The following LAMA5 variants were observed in gnomAD, a reference collection of about 807,000 sequenced individuals.
LAMA5 encodes the protein laminin subunit alpha-5.
A neutral mutation model predicts 433.4 loss-of-function variants in LAMA5; 260 were observed. The ratio of observed to expected loss-of-function variants is 0.60; its 90% CI spans 0.54 to 0.66. The LOEUF (loss-of-function observed/expected upper bound fraction) is 0.66, where lower values mean the gene tolerates loss of function less well. LAMA5 is among the 30% of genes least tolerant of loss of function. LAMA5 has a pLI of 0.00. For missense variants in LAMA5, 5,378 were observed against 5,258.5 expected (o/e 1.02, Z -0.70); for synonymous variants, 2,620 against 2,226.6 (o/e 1.18, Z -4.97).
intron 58 of LAMA5, among the ~76,000 whole-genome samples, chr20:62,315,530 A>C (rs908414991): frequency 6.6e-6 from 1 of 151,922 alleles, no homozygotes; most frequent in Non-Finnish European, 1.5e-5. Context: ...GGTCCCTCAG[A>C]AACTGGGTGA....
rs112822456 is a variant in LAMA5, at chr20:62,327,287, G to A, written c.5058C>T (p.Pro1686=). 3.6e-4 allele frequency: 572 copies of A among 1,573,876 alleles called. 1 individual carries two copies. The highest frequency in any genetic ancestry group is 1.9e-3 in the African/African-American group (144 of 74,112). The change falls in exon 38 of 80, where the codon CCC becomes CCT. Residue 1686 remains proline (P), a synonymous_variant. Coordinates refer to ENST00000252999, the MANE Select transcript of LAMA5 (RefSeq NM_005560.6). ...ADLRHVPEAV[P]EAFPELYWQA... ...GCCAGTACAGCTCGGGGAAAGCCTCGGGCACAGCCTCAGGCACGTGCCGCA... is the reference window on the plus strand; with the variant it reads ...GCCAGTACAGCTCGGGGAAAGCCTCAGGCACAGCCTCAGGCACGTGCCGCA...
At chr20:62,330,655 C>T in intron 30 of LAMA5, 41 bp from the exon 31 acceptor site, 2 of 1,568,376 alleles carry the variant, frequency 1.3e-6, no homozygotes, top group African/African-American at 1.3e-5. Flanking sequence ...AGCTATGAGC[C>T]CCTGCTGCCC....
At chr20:62,311,894 G>C (rs369535096) in intron 70 of LAMA5, 26 bp downstream of exon 70, 14 of 1,540,740 alleles carry the variant, frequency 9.1e-6, no homozygotes, top group Non-Finnish European at 1.1e-5. Context: ...AGACCTTCAC[G>C]ATGAGGGCCC....
chr20:62,325,585 A>C, intron 40 of LAMA5, 39 bp from the exon 41 acceptor site: 1 of 1,393,476 alleles, frequency 7.2e-7, no homozygotes, highest in Non-Finnish European at 1.0e-6. Context: ...GGCCACACTC[A>C]ATGGGACAGA....
rs758051592 is a variant in LAMA5 at position 62,311,667 on chromosome 20, C to T, written c.9753G>A (p.Glu3251=). The part of the protein sequence containing the change: ...PPRLLLGGLP[E]SGTIYNFSGC... The stretch of plus-strand genomic sequence containing the variant: ...CACTGAAGTTGTAAATGGTGCCAGA[C>T]TCAGGCAGGCCTCCCAGGAGGAGCC... The change falls in exon 71 of 80, where the codon GAG becomes GAA. Residue 3251 remains glutamate, a synonymous_variant. Coordinates refer to ENST00000252999, the MANE Select transcript of LAMA5 (RefSeq NM_005560.6). The T allele has an allele frequency of 6.3e-7, 1 of 1,595,430 alleles. No homozygotes were observed. Among genetic ancestry groups the T allele is most frequent in the Non-Finnish European group, 8.5e-7 (1 of 1,172,134 alleles).
In LAMA5 at chr20:62,330,862, C is replaced by G; in HGVS notation, c.3733G>C (p.Gly1245Arg). 6.5e-7 allele frequency: 1 copy of G among 1,539,594 alleles called. No individual in the cohort carries two copies. The highest frequency in any genetic ancestry group is 8.8e-7 in the Non-Finnish European group (1 of 1,142,846). Residue 1245 changes from glycine (G) to arginine (R), a missense_variant, in exon 30 of 80, where the codon GGC becomes CGC. Coordinates refer to ENST00000252999, the MANE Select transcript of LAMA5 (RefSeq NM_005560.6). ...RDCQVIPLPP[G>R]LPLTHAQDLT... Reference sequence around the variant, plus strand: ...TCCTGCGCGTGGGTCAGCGGGAGGCCGGGCGGCAGCGGGATCACCTGGCAG... The same window carrying G: ...TCCTGCGCGTGGGTCAGCGGGAGGCGGGGCGGCAGCGGGATCACCTGGCAG...
In LAMA5 at chr20:62,330,472, C is replaced by G. The variant is rs373985079; in HGVS notation, c.3979+16G>C. 1.1e-5 allele frequency: 17 copies of G among 1,531,234 alleles called. No individual in the cohort carries two copies. The highest frequency in any genetic ancestry group is 1.8e-4 in the Middle Eastern group (1 of 5,472). The allele number at this position is 1,531,234 out of a possible 1,614,324, so 94.9% of individuals were successfully genotyped here. A position where few individuals can be genotyped will look rare whatever the true frequency, so the allele number is the denominator to read the frequency against. On this transcript the variant is annotated intron_variant, in intron 31 of 79. Coordinates refer to ENST00000252999, the MANE Select transcript of LAMA5 (RefSeq NM_005560.6). The stretch of plus-strand genomic sequence containing the variant: ...CGTGTGTGGTAGCCTCTCCACCCCC[C>G]ACACCAGACACTCACCCTGCCACAC...
In LAMA5 at chr20:62,309,848, G is replaced by A; in HGVS notation, c.10829-13C>T. Reference sequence around the variant, plus strand: ...CCGCTTTTCATCACTGGGAGAAAGGGGGACTCCTGAGGCCAGGTGGTCCTC... The same window carrying A: ...CCGCTTTTCATCACTGGGAGAAAGGAGGACTCCTGAGGCCAGGTGGTCCTC... On this transcript the variant is annotated splice_polypyrimidine_tract_variant and intron_variant, in intron 78 of 79. Coordinates refer to ENST00000252999, the MANE Select transcript of LAMA5 (RefSeq NM_005560.6). The A allele has an allele frequency of 1.2e-6, 2 of 1,611,328 alleles. No homozygotes were observed. Among genetic ancestry groups the A allele is most frequent in the Non-Finnish European group, 1.7e-6 (2 of 1,179,558 alleles).
At position 62,318,541 on chromosome 20, in the gene LAMA5, C is replaced by A; in HGVS notation, c.7152G>T (p.Leu2384=). 2 of 1,610,192 alleles carry A rather than the reference C, an allele frequency of 1.2e-6. No homozygotes were observed. Among genetic ancestry groups the A allele is most frequent in the East Asian group, 2.2e-5 (1 of 44,764 alleles). Residue 2384 remains leucine (L), a synonymous_variant, in exon 53 of 80, where the codon CTG becomes CTT. Transcript: ENST00000252999. ...LAQHEAGLMD[L]REALNRAVDA... is the part of the protein sequence containing the mutation. ...CCACTGCCCGGTTCAAAGCCTCTCG[C>A]AGGTCCATGAGGCCGGCCTCGTGCT...
In LAMA5 at chr20:62,326,854, AGCTC is replaced by A; in HGVS notation, c.5214+7_5214+10del. On this transcript the variant is annotated splice_region_variant and intron_variant, in intron 39 of 79. Coordinates refer to ENST00000252999, the MANE Select transcript of LAMA5 (RefSeq NM_005560.6). The stretch of plus-strand genomic sequence containing the variant: ...CCCAACCACCCTGCCACATCATCTC[AGCTC>A]CCTCACCTGCAGCACCACATCCGGC... 5 of 1,608,082 alleles carry A rather than the reference AGCTC, an allele frequency of 3.1e-6. No homozygotes were observed. The highest frequency in any genetic ancestry group is 4.3e-6 in the Non-Finnish European group (5 of 1,175,796).
chr20:62,355,103 G>A (rs1984982435), intron 2 of LAMA5, among the ~76,000 whole-genome samples: 1 of 152,204 alleles, frequency 6.6e-6, no homozygotes, highest in Non-Finnish European at 1.5e-5. Context: ...TTTGTGGGCG[G>A]CAGTGGGGAC....
intron 2 of LAMA5, among the ~76,000 whole-genome samples, chr20:62,360,768 G>A (rs917935916): frequency 6.6e-6 from 1 of 151,748 alleles, no homozygotes; most frequent in East Asian, 1.9e-4. Context: ...GAGGCAAGAC[G>A]CTCACATGGC....
chr20:62,346,810 G>C lies in LAMA5; in HGVS notation c.1073-10C>G. 6.2e-7 allele frequency: 1 copy of C among 1,610,664 alleles called. No homozygotes were observed. On this transcript the variant is annotated splice_polypyrimidine_tract_variant and intron_variant, in intron 7 of 79. Coordinates refer to ENST00000252999, the MANE Select transcript of LAMA5 (RefSeq NM_005560.6). ...CCGTAGCAGTTACAGGCTAGAGAGA[G>C]GGGAGCGCAGCTGTTGGCACGCCCT...
chr20:62,364,948 C>T (rs6121995), intron 1 of LAMA5, among the ~76,000 whole-genome samples: 6,234 of 152,384 alleles, frequency 0.041, 151 homozygotes, highest in African/African-American at 0.067. Context: ...CCTGCCTTGC[C>T]CCAACCGCAG....
chr20:62,337,458 C>A, intron 16 of LAMA5, 132 bp downstream of exon 16: 1 of 1,234,792 alleles, frequency 8.1e-7, no homozygotes, highest in Non-Finnish European at 1.1e-6. Flanking sequence ...GAACACAGAG[C>A]GTGGGGACGC....
At position 62,311,032 on chromosome 20, in the gene LAMA5, C is replaced by A. The variant is rs750915588; in HGVS notation, c.10151G>T (p.Arg3384Leu). ...CAGGGAGGGGCTGCCGGGCCTCAGA[C>A]GGGCAGTGAAGAGGAGGAGGCCTCG... ...SSRGLLLFTA[R>L]LRPGSPSLAL... Residue 3384 changes from arginine (R) to leucine (L), a missense_variant, in exon 74 of 80, where the codon CGT becomes CTT. Arg to Leu is a moderately radical substitution (Grantham distance 102). Coordinates refer to ENST00000252999, the MANE Select transcript of LAMA5 (RefSeq NM_005560.6). The A allele has an allele frequency of 1.4e-5, 22 of 1,608,946 alleles. No homozygotes were observed. Among genetic ancestry groups the A allele is most frequent in the African/African-American group, 2.7e-5 (2 of 74,878 alleles).
rs1049471391 is a variant in LAMA5, at chr20:62,327,952, A to T, written c.4711T>A (p.Tyr1571Asn). The change falls in exon 36 of 80, where the codon TAC becomes AAC. Residue 1571 changes from tyrosine (Y) to asparagine (N), a missense_variant. Physicochemically the swap from Tyr to Asn is moderately radical, Grantham distance 143. Transcript: ENST00000252999. Reference sequence around the variant, plus strand: ...CAGTCACAGGGGCGGCAGCGGGGGTAGCCATGGAAGCCCGGAGAGCAGGTA... The same window carrying T: ...CAGTCACAGGGGCGGCAGCGGGGGTTGCCATGGAAGCCCGGAGAGCAGGTA... Reference protein sequence around the residue: ...CDTCSPGFHGYPRCRPCDCHE... With the variant: ...CDTCSPGFHGNPRCRPCDCHE... 1.2e-6 allele frequency: 2 copies of T among 1,612,350 alleles called. No individual in the cohort carries two copies. Among genetic ancestry groups the T allele is most frequent in the South Asian group, 1.1e-5 (1 of 91,076 alleles).
chr20:62,334,511 G>C lies in LAMA5; in HGVS notation c.2582+11C>G, dbSNP rs1377724221. On this transcript the variant is annotated intron_variant, in intron 21 of 79. Coordinates refer to ENST00000252999, the MANE Select transcript of LAMA5 (RefSeq NM_005560.6). ...CCGCTCCCCACCACCCAGTGGGGAA[G>C]GGGTACCCACTCGCTGCAGGTGGGG... 2.6e-6 allele frequency: 4 copies of C among 1,545,726 alleles called. No individual in the cohort carries two copies. Among genetic ancestry groups the C allele is most frequent in the Non-Finnish European group, 3.5e-6 (4 of 1,145,114 alleles).
chr20:62,346,334 C>G, intron 9 of LAMA5, 119 bp from the exon 10 acceptor site: 1 of 1,423,936 alleles, frequency 7.0e-7, no homozygotes, highest in Non-Finnish European at 9.5e-7. Flanking sequence ...TACAGCCAGG[C>G]CCCCTGGGGG....
Sources: gnomAD v4.1 joint callset for allele counts (sites outside exome capture counted in the v4.1 genomes callset) on GRCh38, gnomAD v4.1.1 for gene constraint, MANE v1.5 for transcripts, NCBI Gene and HGNC (gene_info 2026-07-23, HGNC 2026-07-21) for gene names.